Variants in FOXK2 observed in about 807,000 individuals in gnomAD.
The protein encoded by FOXK2 is forkhead box protein K2.
A neutral mutation model predicts 53.3 loss-of-function variants in FOXK2; 24 were observed. The ratio of observed to expected loss-of-function variants is 0.45; its 90% CI spans 0.33 to 0.63. FOXK2 has a LOEUF of 0.63. Ranked by LOEUF, FOXK2 falls within the 30% of genes least tolerant of loss-of-function variation. The probability of loss-of-function intolerance (pLI) is 0.03; values close to 1 mark genes in which losing one functional copy is unlikely to be tolerated. For synonymous variants in FOXK2, 505 were observed against 407.1 expected (o/e 1.24, Z -2.89); for missense variants, 952 against 910.5 (o/e 1.05, Z -0.59).
chr17:82,592,954 C>T (rs570468543), intron 8 of FOXK2, among the ~76,000 whole-genome samples: 1 of 142,508 alleles, frequency 7.0e-6, no homozygotes, highest in Non-Finnish European at 1.5e-5. Flanking sequence ...GCGCCGGGCA[C>T]AGGCTCTTAT....
At position 82,586,404 on chromosome 17, in the gene FOXK2, G is replaced by T. The variant is rs76509345; in HGVS notation, c.1576+204G>T. 0.034 allele frequency among the ~76,000 whole-genome samples: 580 copies of T among 17,188 alleles called. 1 individual carries two copies. The highest frequency in any genetic ancestry group is 0.056 in the Middle Eastern group (1 of 18). 11.3% of individuals were successfully genotyped at this position (17,188 alleles called of 152,430 possible). A position where few individuals can be genotyped will look rare whatever the true frequency, so the allele number is the denominator to read the frequency against. On this transcript the variant is annotated intron_variant, in intron 7 of 8. Coordinates refer to ENST00000335255, the MANE Select transcript of FOXK2 (RefSeq NM_004514.4). ...CCACAGGGAGGTGAAAGGTGGGCGG[G>T]GGGGAAAGGAGGAGAGGGGAGACCA...
At chr17:82,520,456 C>T (rs1428388205) in intron 1 of FOXK2, 149 bp downstream of exon 1, 8 of 673,542 alleles carry the variant, frequency 1.2e-5, no homozygotes, top group Non-Finnish European at 1.6e-5. Flanking sequence ...CAGGCCCCGG[C>T]TGGATCCCAA....
intron 8 of FOXK2, among the ~76,000 whole-genome samples, chr17:82,591,457 G>T (rs371866412): frequency 6.6e-6 from 1 of 152,076 alleles, no homozygotes; most frequent in African/African-American, 2.4e-5. Flanking sequence ...TCATGCTGCC[G>T]CCCCATGGAG....
chr17:82,559,199 G>A, intron 1 of FOXK2: 1 of 379,982 alleles, frequency 2.6e-6, no homozygotes, highest in Non-Finnish European at 5.4e-6. Flanking sequence ...TGGCTTAGTA[G>A]TACAGTGTTT....
At chr17:82,566,671 G>A (rs1402109757) in intron 2 of FOXK2, among the ~76,000 whole-genome samples, 9 of 152,080 alleles carry the variant, frequency 5.9e-5, no homozygotes, top group African/African-American at 1.7e-4. Flanking sequence ...GGGAAGGGTG[G>A]GTCACAGCTG....
chr17:82,541,279 T>G (rs1420711017), intron 1 of FOXK2, among the ~76,000 whole-genome samples: 9 of 146,376 alleles, frequency 6.1e-5, no homozygotes, highest in Non-Finnish European at 1.2e-4. Flanking sequence ...GATTTACAGT[T>G]TTTTTTTTTT....
intron 1 of FOXK2, among the ~76,000 whole-genome samples, chr17:82,521,370 C>T (rs984288172): frequency 1.3e-5 from 2 of 149,530 alleles, no homozygotes; most frequent in Non-Finnish European, 3.0e-5. Flanking sequence ...GACGGGGTTT[C>T]ACCATCTTGG....
At chr17:82,560,677 C>T (rs1250037325) in intron 1 of FOXK2, among the ~76,000 whole-genome samples, 1 of 152,138 alleles carries the variant, frequency 6.6e-6, no homozygotes, top group Non-Finnish European at 1.5e-5. Context: ...GCTTTATAGA[C>T]CAAAAGATCG....
intron 1 of FOXK2, among the ~76,000 whole-genome samples, chr17:82,541,117 TG>T (rs1050740451): frequency 6.6e-6 from 1 of 152,094 alleles, no homozygotes; most frequent in Non-Finnish European, 1.5e-5. Flanking sequence ...GTTCTGCTGA[TG>T]GATTCACCTT....
At chr17:82,586,670 G>A (rs772928044) in intron 7 of FOXK2, among the ~76,000 whole-genome samples, 58 of 152,186 alleles carry the variant, frequency 3.8e-4, no homozygotes, top group Non-Finnish European at 7.4e-4. Context: ...GGGGGGCTGA[G>A]ACGGTCGGAT....
intron 2 of FOXK2, among the ~76,000 whole-genome samples, chr17:82,566,558 A>G (rs2144120359): frequency 6.6e-6 from 1 of 152,274 alleles, no homozygotes; most frequent in Admixed American, 6.5e-5. Flanking sequence ...AATTCCCTGG[A>G]GTAGAATGTG....
chr17:82,543,972 T>A (rs374257791), intron 1 of FOXK2, among the ~76,000 whole-genome samples: 7 of 152,188 alleles, frequency 4.6e-5, no homozygotes, highest in African/African-American at 1.2e-4. Context: ...GAGATGGGGT[T>A]TCACTGTGTT....
At chr17:82,570,164 G>A (rs998491981) in intron 3 of FOXK2, among the ~76,000 whole-genome samples, 1 of 151,938 alleles carries the variant, frequency 6.6e-6, no homozygotes, top group African/African-American at 2.4e-5. Flanking sequence ...GGAGCTTGCA[G>A]TGAGCCGAAA....
At chr17:82,596,095 G>T in intron 8 of FOXK2, 2 of 680,184 alleles carry the variant, frequency 2.9e-6, no homozygotes, top group Non-Finnish European at 3.8e-6. Context: ...CATTAGAGTC[G>T]GTTGAGGCCA....
chr17:82,546,105 G>A (rs1003834166), intron 1 of FOXK2, among the ~76,000 whole-genome samples: 37 of 142,276 alleles, frequency 2.6e-4, no homozygotes, highest in Non-Finnish European at 5.1e-4. Flanking sequence ...TTGCTACCAA[G>A]CATGGTTGGT....
At chr17:82,577,669 T>G (rs370312573) in intron 4 of FOXK2, among the ~76,000 whole-genome samples, 1 of 152,204 alleles carries the variant, frequency 6.6e-6, no homozygotes, top group African/African-American at 2.4e-5. Flanking sequence ...GTTGTGACTA[T>G]GAGAAGTTTG....
At chr17:82,574,610 G>A (rs1470427392) in intron 4 of FOXK2, among the ~76,000 whole-genome samples, 4 of 152,126 alleles carry the variant, frequency 2.6e-5, no homozygotes, top group African/African-American at 4.8e-5. Context: ...GTGAGCCACC[G>A]CGCCTGGCCA....
At chr17:82,577,508 C>T (rs1386130911) in intron 4 of FOXK2, 5 of 259,050 alleles carry the variant, frequency 1.9e-5, no homozygotes, top group Non-Finnish European at 2.2e-5. Flanking sequence ...ACTGCCCAGT[C>T]AGGGCAGCAC....
At chr17:82,586,739 T>G (rs1006098983) in intron 7 of FOXK2, among the ~76,000 whole-genome samples, 1 of 151,950 alleles carries the variant, frequency 6.6e-6, no homozygotes, top group Non-Finnish European at 1.5e-5. Context: ...CTGTCTCTAC[T>G]AAAAATACAA....
Sources: gnomAD v4.1 joint callset for allele counts (sites outside exome capture counted in the v4.1 genomes callset) on GRCh38, gnomAD v4.1.1 for gene constraint, MANE v1.5 for transcripts, NCBI Gene and HGNC (gene_info 2026-07-23, HGNC 2026-07-21) for gene names.